RFX3: variants seen among roughly 807,000 people sequenced by gnomAD.
RFX3 encodes the protein regulatory factor X3.
A neutral mutation model predicts 98.6 loss-of-function variants in RFX3; 14 were observed. The ratio of observed to expected loss-of-function variants is 0.14; its 90% confidence interval spans 0.09 to 0.22. The LOEUF is 0.22. Ranked by LOEUF, RFX3 falls within the 10% of genes least tolerant of loss-of-function variation. RFX3 has a pLI of 1.00. For missense variants in RFX3, 639 were observed against 926.9 expected (o/e 0.69, Z 4.03); for synonymous variants, 383 against 328.4 (o/e 1.17, Z -1.80).
chr9:3,343,142 C>T (rs1166009557), intron 3 of RFX3, among the ~76,000 whole-genome samples: 3 of 152,178 alleles, frequency 2.0e-5, no homozygotes, highest in Non-Finnish European at 4.4e-5. Flanking sequence ...AGTGACGACA[C>T]ATATCTGTGA....
intron 4 of RFX3, among the ~76,000 whole-genome samples, chr9:3,322,195 G>A (rs1401591206): frequency 2.0e-5 from 3 of 152,084 alleles, no homozygotes; most frequent in African/African-American, 2.4e-5. Flanking sequence ...AACATTTTAT[G>A]TTAACTTAGG....
At chr9:3,448,555 C>T (rs1172825354) in intron 1 of RFX3, among the ~76,000 whole-genome samples, 1 of 152,124 alleles carries the variant, frequency 6.6e-6, no homozygotes, top group African/African-American at 2.4e-5. Context: ...TTCTGTCGCC[C>T]AGGCTAGACT....
intron 1 of RFX3, among the ~76,000 whole-genome samples, chr9:3,506,299 A>G (rs1587892583): frequency 6.6e-6 from 1 of 151,830 alleles, no homozygotes; most frequent in East Asian, 1.9e-4. Flanking sequence ...TGCAACCCTA[A>G]TTAAAATATC....
chr9:3,437,780 G>A (rs1027842322), intron 1 of RFX3, among the ~76,000 whole-genome samples: 2 of 151,920 alleles, frequency 1.3e-5, no homozygotes. Flanking sequence ...TTCATGTGAT[G>A]CGCTTACCTG....
chr9:3,422,648 A>C (rs145644730), intron 1 of RFX3, among the ~76,000 whole-genome samples: 5 of 152,232 alleles, frequency 3.3e-5, no homozygotes, highest in African/African-American at 9.6e-5. Flanking sequence ...AGTCAGGCTT[A>C]TTATTTTACA....
At chr9:3,378,291 C>T (rs1228042127) in intron 2 of RFX3, among the ~76,000 whole-genome samples, 1 of 152,124 alleles carries the variant, frequency 6.6e-6, no homozygotes, top group Non-Finnish European at 1.5e-5. Flanking sequence ...ATGCAATCTT[C>T]AATCTGTAAG....
chr9:3,366,722 CT>C lies in RFX3; in HGVS notation c.118-19959del, dbSNP rs369602191. On this transcript the variant is annotated intron_variant, in intron 2 of 16. Transcript: ENST00000617270. The stretch of plus-strand genomic sequence containing the variant: ...TCTTTCTTTCTTTCTTTCTTTCTTT[CT>C]TTCTTTCTTTCTTTCTTTCTTTCTT... Among the ~76,000 whole-genome samples the C allele has an allele frequency of 8.8e-5, 8 of 90,744 alleles. No homozygotes were observed. The East Asian group carries it at 1.1e-3, about 13-fold the overall frequency. 59.5% of individuals were successfully genotyped at this position (90,744 alleles called of 152,430 possible). A position where few individuals can be genotyped will look rare whatever the true frequency, so the allele number is the denominator to read the frequency against.
intron 1 of RFX3, among the ~76,000 whole-genome samples, chr9:3,499,242 C>A (rs1815713383): frequency 6.6e-6 from 1 of 151,958 alleles, no homozygotes; most frequent in Non-Finnish European, 1.5e-5. Context: ...AAAAAAGCAG[C>A]ACTAAGTACC....
At chr9:3,459,958 C>T (rs1440692898) in intron 1 of RFX3, among the ~76,000 whole-genome samples, 1 of 151,778 alleles carries the variant, frequency 6.6e-6, no homozygotes, top group East Asian at 1.9e-4. Context: ...TCGTAATGTA[C>T]GTATTGCTTT....
intron 1 of RFX3, among the ~76,000 whole-genome samples, chr9:3,400,930 T>C (rs1841418488): frequency 6.6e-6 from 1 of 152,234 alleles, no homozygotes; most frequent in Admixed American, 6.5e-5. Context: ...TTGATGTCTG[T>C]CTGACTCTAA....
At chr9:3,311,219 G>GT in intron 4 of RFX3, among the ~76,000 whole-genome samples, 1 of 152,160 alleles carries the variant, frequency 6.6e-6, no homozygotes, top group East Asian at 1.9e-4. Flanking sequence ...TTCTTTCTGG[G>GT]TAATTTCTCT....
At chr9:3,335,751 T>G (rs180756843) in intron 3 of RFX3, among the ~76,000 whole-genome samples, 10 of 152,214 alleles carry the variant, frequency 6.6e-5, no homozygotes, top group Non-Finnish European at 1.5e-5. Context: ...GATATGTGTA[T>G]ACTTGCCGAC....
intron 1 of RFX3, among the ~76,000 whole-genome samples, chr9:3,484,672 G>A (rs921290496): frequency 1.6e-4 from 25 of 152,114 alleles, no homozygotes; most frequent in African/African-American, 5.8e-4. Context: ...TACTAAAAGC[G>A]GATCAAGTTT....
chr9:3,367,907 G>C (rs1430133327), intron 2 of RFX3, among the ~76,000 whole-genome samples: 1 of 152,152 alleles, frequency 6.6e-6, no homozygotes, highest in African/African-American at 2.4e-5. Flanking sequence ...TGAAAATTTA[G>C]GAGAATGCTA....
intron 5 of RFX3, among the ~76,000 whole-genome samples, 178 bp from the exon 6 acceptor site, chr9:3,293,436 G>A (rs1051754358): frequency 6.6e-6 from 1 of 152,226 alleles, no homozygotes; most frequent in African/African-American, 2.4e-5. Flanking sequence ...CAGAAACACT[G>A]TAAATAGCTG....
chr9:3,470,883 T>C (rs7037656), intron 1 of RFX3, among the ~76,000 whole-genome samples: 4,444 of 152,314 alleles, frequency 0.029, 212 homozygotes, highest in African/African-American at 0.1. Context: ...CATTCTAACA[T>C]TCTATGAGTA....
intron 3 of RFX3, among the ~76,000 whole-genome samples, chr9:3,341,259 T>C (rs923524220): frequency 1.3e-5 from 2 of 150,640 alleles, no homozygotes; most frequent in South Asian, 4.2e-4. Flanking sequence ...TGTTGTGGGG[T>C]TGGGGGATGG....
rs906386596 is a variant in RFX3, at chr9:3,221,188, T to A, written c.*3854A>T. On this transcript the variant is annotated 3_prime_UTR_variant, in exon 17 of 17. Coordinates refer to ENST00000617270, the MANE Select transcript of RFX3 (RefSeq NM_001282116.2). Reference sequence around the variant, plus strand: ...GGACCAACATCACAGTGACACTATTTTTTTTTTCCTTTTACACTAATGTTT... The same window carrying A: ...GGACCAACATCACAGTGACACTATTATTTTTTTCCTTTTACACTAATGTTT... 6.6e-6 allele frequency: 1 copy of A among 152,166 alleles called. No individual in the cohort carries two copies. Among genetic ancestry groups the A allele is most frequent in the African/African-American group, 2.4e-5 (1 of 41,448 alleles). 9.4% of individuals were successfully genotyped at this position (152,166 alleles called of 1,614,324 possible).
At chr9:3,482,545 G>C (rs1849863771) in intron 1 of RFX3, among the ~76,000 whole-genome samples, 1 of 152,128 alleles carries the variant, frequency 6.6e-6, no homozygotes, top group South Asian at 2.1e-4. Flanking sequence ...ACTGTCATAA[G>C]CATGAACAGG....
Sources: allele counts gnomAD v4.1 joint callset (sites outside exome capture counted in the v4.1 genomes callset), GRCh38; gene constraint gnomAD v4.1.1; transcripts MANE v1.5; gene names NCBI Gene and HGNC (gene_info 2026-07-23, HGNC 2026-07-21).